ELMOD3: variants seen among roughly 807,000 people sequenced by gnomAD.
ELMOD3 encodes ELMO domain-containing protein 3.
ELMOD3 carries 36 observed loss-of-function variants against 47.4 expected under a neutral mutation model. The ratio of observed to expected loss-of-function variants is 0.76; its 90% confidence interval spans 0.58 to 1.00. The LOEUF (loss-of-function observed/expected upper bound fraction) is 1.00. Ranked by LOEUF, ELMOD3 falls within the 50% of genes least tolerant of loss-of-function variation. The pLI, the probability that ELMOD3 is intolerant of heterozygous loss-of-function variation, is 0.00. For missense variants in ELMOD3, 404 were observed against 463.8 expected (o/e 0.87, Z 1.18); for synonymous variants, 149 against 183.5 (o/e 0.81, Z 1.52).
chr2:85,369,817 T>G lies in ELMOD3; in HGVS notation c.347T>G (p.Leu116Arg). 1 of 1,614,020 alleles carries G rather than the reference T, an allele frequency of 6.2e-7. No homozygotes were observed. The highest frequency in any genetic ancestry group is 8.5e-7 in the Non-Finnish European group (1 of 1,179,924). ...CTGCAGCACTTCCAGACTGTGGACC[T>G]TTCCCCCTTCAAGGTATGAGGGTAG... ...EALQHFQTVD[L>R]SPFKKRIQPT... is the part of the protein sequence containing the mutation. The change falls in exon 8 of 14, where the codon CTT becomes CGT. Residue 116 changes from leucine to arginine, a missense_variant. Physicochemically the swap from Leu to Arg is moderately radical, Grantham distance 102. Coordinates refer to ENST00000409013, the MANE Select transcript of ELMOD3 (RefSeq NM_001135022.2).
At chr2:85,387,315 C>T in intron 11 of ELMOD3, 5 of 842,286 alleles carry the variant, frequency 5.9e-6, no homozygotes, top group Non-Finnish European at 7.4e-6. Context: ...AAGTAATGCT[C>T]ACAGCAACTC....
intron 2 of ELMOD3, 191 bp downstream of exon 2, chr2:85,355,361 AGAG>A (rs1683475807): frequency 6.6e-6 from 1 of 152,208 alleles, no homozygotes; most frequent in South Asian, 2.1e-4. Flanking sequence ...ATTCCTATGC[AGAG>A]AATCTAACCT....
chr2:85,381,087 A>C (rs1424135166), intron 11 of ELMOD3, among the ~76,000 whole-genome samples: 2 of 152,242 alleles, frequency 1.3e-5, no homozygotes, highest in Non-Finnish European at 2.9e-5. Context: ...AGCCCAAAGA[A>C]AATCGTACAC....
At chr2:85,362,370 A>C in intron 5 of ELMOD3, 110 bp downstream of exon 5, 1 of 737,598 alleles carries the variant, frequency 1.4e-6, no homozygotes, top group Non-Finnish European at 2.5e-6. Context: ...CATAGACCTT[A>C]GCTTCCAAGA....
chr2:85,366,015 A>G (rs945470115), intron 6 of ELMOD3, among the ~76,000 whole-genome samples: 4 of 151,948 alleles, frequency 2.6e-5, no homozygotes, highest in African/African-American at 9.7e-5. Flanking sequence ...CTAGAGTGCA[A>G]TGGCGCAATC....
chr2:85,390,415 C>T (rs1686261292), intron 13 of ELMOD3, 150 bp downstream of exon 13: 10 of 1,614,082 alleles, frequency 6.2e-6, no homozygotes, highest in Non-Finnish European at 8.5e-6. Context: ...CATCACCCAC[C>T]CCCTGGAGTC....
Position 85,391,085 on chromosome 2 carries a change from C to A in ELMOD3, c.*123C>A. ...GTCTCAGCAGATGGGATATAGGAAGCTCCTGGGCTTAGCTGTGGGAAGCCA... is the reference window on the plus strand; with the variant it reads ...GTCTCAGCAGATGGGATATAGGAAGATCCTGGGCTTAGCTGTGGGAAGCCA... On this transcript the variant is annotated 3_prime_UTR_variant, in exon 14 of 14. Coordinates refer to ENST00000409013, the MANE Select transcript of ELMOD3 (RefSeq NM_001135022.2). 2 of 1,009,216 alleles carry A rather than the reference C, an allele frequency of 2.0e-6. No individual in the cohort carries two copies. Among genetic ancestry groups the A allele is most frequent in the Non-Finnish European group, 2.9e-6 (2 of 695,782 alleles). 62.5% of individuals were successfully genotyped at this position (1,009,216 alleles called of 1,614,324 possible).
In ELMOD3 at chr2:85,368,764, C is replaced by T. The variant is rs370500612; in HGVS notation, c.268+10C>T. 2.2e-5 allele frequency: 35 copies of T among 1,613,848 alleles called. No individual in the cohort carries two copies. Among genetic ancestry groups the T allele is most frequent in the African/African-American group, 1.6e-4 (12 of 74,920 alleles). ...ATCCAGCCAGAGACAGGTAACTGTACGAATGCTGCTGTCTCCCCATAGCCC... is the reference window on the plus strand; with the variant it reads ...ATCCAGCCAGAGACAGGTAACTGTATGAATGCTGCTGTCTCCCCATAGCCC... On this transcript the variant is annotated intron_variant, in intron 7 of 13. Transcript: ENST00000409013.
intron 10 of ELMOD3, 155 bp downstream of exon 10, chr2:85,371,717 C>A: frequency 9.1e-7 from 1 of 1,096,660 alleles, no homozygotes; most frequent in Non-Finnish European, 1.3e-6. Context: ...CCTGAGGGGG[C>A]GCCTGCTAGT....
At chr2:85,373,569 G>A (rs755580872) in intron 10 of ELMOD3, among the ~76,000 whole-genome samples, 5 of 151,864 alleles carry the variant, frequency 3.3e-5, no homozygotes, top group African/African-American at 4.8e-5. Context: ...GGCCAGGCAC[G>A]GTGGCTCACA....
chr2:85,365,417 T>A lies in ELMOD3; in HGVS notation c.199+2251T>A, dbSNP rs78311807. On this transcript the variant is annotated intron_variant, in intron 6 of 13. Transcript: ENST00000409013. ...AGAATTAATAAATAAGCTGACTCAA[T>A]TGGCAGTGCTCTTGACTATATGAGT... is the stretch of plus-strand genomic sequence containing the variant. 4.3e-3 allele frequency among the ~76,000 whole-genome samples: 648 copies of A among 151,920 alleles called. 13 individuals are homozygous for A. In the East Asian group the frequency reaches 0.061, roughly 14 times the overall value.
chr2:85,386,585 A>G (rs1442703492), intron 11 of ELMOD3, among the ~76,000 whole-genome samples: 1 of 152,002 alleles, frequency 6.6e-6, no homozygotes, highest in African/African-American at 2.4e-5. Flanking sequence ...GCGTTTCACC[A>G]TGTTGGTCAG....
intron 11 of ELMOD3, chr2:85,387,163 C>T: frequency 7.7e-7 from 1 of 1,292,248 alleles, no homozygotes. Context: ...TAGGCAATAC[C>T]TGAAGGTACA....
chr2:85,387,919 C>T (rs982934054), intron 11 of ELMOD3, among the ~76,000 whole-genome samples: 10 of 152,054 alleles, frequency 6.6e-5, no homozygotes, highest in African/African-American at 2.4e-4. Context: ...TCCAAGAGGC[C>T]TCTCCCAGTG....
chr2:85,371,865 C>G, intron 10 of ELMOD3: 2 of 287,268 alleles, frequency 7.0e-6, no homozygotes, highest in Non-Finnish European at 1.4e-5. Flanking sequence ...GAAATCCCAT[C>G]TCTACTAAAA....
intron 10 of ELMOD3, among the ~76,000 whole-genome samples, chr2:85,373,723 C>CAGCT (rs942118326): frequency 5.8e-4 from 88 of 151,906 alleles, no homozygotes; most frequent in African/African-American, 2.0e-3. Flanking sequence ...CCTGTAGTCC[C>CAGCT]AGCTACGTGG....
chr2:85,384,854 G>T (rs989248118), intron 11 of ELMOD3, among the ~76,000 whole-genome samples: 1 of 152,102 alleles, frequency 6.6e-6, no homozygotes, highest in African/African-American at 2.4e-5. Flanking sequence ...TTCACTGAAT[G>T]AATATTTTTT....
chr2:85,391,244 A>C lies in ELMOD3; in HGVS notation c.*282A>C. On this transcript the variant is annotated 3_prime_UTR_variant, in exon 14 of 14. Coordinates refer to ENST00000409013, the MANE Select transcript of ELMOD3 (RefSeq NM_001135022.2). ...TCCGGGTTGAATTCCAGTGTATCCCACTGGGAGTGAATGGATCATGAGGTG... is the reference window on the plus strand; with the variant it reads ...TCCGGGTTGAATTCCAGTGTATCCCCCTGGGAGTGAATGGATCATGAGGTG... 2.6e-6 allele frequency: 1 copy of C among 384,428 alleles called. No homozygotes were observed. Among genetic ancestry groups the C allele is most frequent in the Non-Finnish European group, 4.8e-6 (1 of 207,496 alleles). 23.8% of individuals were successfully genotyped at this position (384,428 alleles called of 1,614,324 possible).
intron 4 of ELMOD3, among the ~76,000 whole-genome samples, chr2:85,358,835 C>T (rs1057005284): frequency 5.3e-5 from 8 of 152,186 alleles, no homozygotes; most frequent in Admixed American, 2.0e-4. Context: ...GTCCCCCCAG[C>T]CACTCAGTTT....
Sources: gnomAD v4.1 joint callset for allele counts (sites outside exome capture counted in the v4.1 genomes callset) on GRCh38, gnomAD v4.1.1 for gene constraint, MANE v1.5 for transcripts, NCBI Gene and HGNC (gene_info 2026-07-23, HGNC 2026-07-21) for gene names.